SPAG16: variants seen among roughly 807,000 people sequenced by gnomAD.
SPAG16 encodes the protein sperm-associated antigen 16 protein.
In SPAG16, 86 loss-of-function variants were observed where a neutral mutation model predicts 80.4. That is an observed-to-expected ratio of 1.07 (90% CI 0.90 to 1.28). SPAG16 has a LOEUF of 1.28. SPAG16 is among the 50% of genes most tolerant of loss of function. SPAG16 has a pLI of 0.00. For synonymous variants in SPAG16, 294 were observed against 265.9 expected, an observed-to-expected ratio of 1.11 and a Z score of -1.03; for missense variants, 870 against 765.3, an observed-to-expected ratio of 1.14 and a Z score of -1.61.
At chr2:213,541,086 G>A (rs2076429719) in intron 10 of SPAG16, among the ~76,000 whole-genome samples, 1 of 152,206 alleles carries the variant, frequency 6.6e-6, no homozygotes, top group Non-Finnish European at 1.5e-5. Context: ...CAGTACTATT[G>A]TTACCATGGT....
intron 13 of SPAG16, among the ~76,000 whole-genome samples, chr2:214,016,401 A>C (rs2047593599): frequency 6.6e-6 from 1 of 151,856 alleles, no homozygotes; most frequent in Admixed American, 6.6e-5. Flanking sequence ...CATGGGAAAA[A>C]CTCACCCCTG....
At chr2:213,419,892 C>A (rs1037795810) in intron 9 of SPAG16, among the ~76,000 whole-genome samples, 4 of 152,208 alleles carry the variant, frequency 2.6e-5, no homozygotes, top group Non-Finnish European at 5.9e-5. Flanking sequence ...GTGGGACTTT[C>A]ACATGCAAAT....
chr2:213,682,808 G>A (rs2064463962), intron 10 of SPAG16, among the ~76,000 whole-genome samples: 2 of 152,160 alleles, frequency 1.3e-5, no homozygotes, highest in Admixed American at 1.3e-4. Context: ...TTAGTCATTA[G>A]GCTAATGGTT....
At chr2:213,300,945 A>T (rs1244018755) in intron 3 of SPAG16, among the ~76,000 whole-genome samples, 4 of 152,130 alleles carry the variant, frequency 2.6e-5, no homozygotes, top group African/African-American at 4.8e-5. Flanking sequence ...TTATGTTAAT[A>T]TACCAAAATA....
chr2:213,591,477 T>C (rs2060688046), intron 10 of SPAG16, among the ~76,000 whole-genome samples: 1 of 152,216 alleles, frequency 6.6e-6, no homozygotes, highest in Non-Finnish European at 1.5e-5. Flanking sequence ...TTCCAATATG[T>C]ATTATAAATT....
chr2:213,887,014 T>G (rs1437441136), intron 11 of SPAG16, among the ~76,000 whole-genome samples: 1 of 152,102 alleles, frequency 6.6e-6, no homozygotes, highest in Non-Finnish European at 1.5e-5. Flanking sequence ...ATATAAGATT[T>G]TTTTTCTATT....
At chr2:214,397,410 G>A (rs1423411108) in intron 15 of SPAG16, among the ~76,000 whole-genome samples, 5 of 151,904 alleles carry the variant, frequency 3.3e-5, no homozygotes, top group African/African-American at 4.8e-5. Flanking sequence ...TGCCCGCCTC[G>A]GCCTCCCAAA....
At chr2:214,137,081 T>C (rs908392711) in intron 14 of SPAG16, among the ~76,000 whole-genome samples, 5 of 152,182 alleles carry the variant, frequency 3.3e-5, no homozygotes, top group Non-Finnish European at 7.4e-5. Flanking sequence ...TATTTCTTTA[T>C]TCAAAAATAT....
intron 10 of SPAG16, among the ~76,000 whole-genome samples, chr2:213,702,887 A>G (rs544804473): frequency 2.0e-5 from 3 of 152,214 alleles, no homozygotes; most frequent in Non-Finnish European, 4.4e-5. Flanking sequence ...ACTAGCACTC[A>G]GACCCAAGGA....
At chr2:213,575,904 A>T (rs538952298) in intron 10 of SPAG16, among the ~76,000 whole-genome samples, 5 of 152,254 alleles carry the variant, frequency 3.3e-5, no homozygotes, top group Non-Finnish European at 1.5e-5. Flanking sequence ...AATCTGTAAG[A>T]TTACTTAATT....
chr2:213,759,533 A>G (rs929573696), intron 10 of SPAG16, among the ~76,000 whole-genome samples: 2 of 152,062 alleles, frequency 1.3e-5, no homozygotes, highest in Non-Finnish European at 2.9e-5. Flanking sequence ...GTTTTTATAT[A>G]TTATTGCAGT....
At chr2:213,706,934 G>T (rs1473883599) in intron 10 of SPAG16, among the ~76,000 whole-genome samples, 1 of 152,132 alleles carries the variant, frequency 6.6e-6, no homozygotes, top group East Asian at 1.9e-4. Context: ...TCTCCACAGG[G>T]TTGCTTGAGT....
intron 15 of SPAG16, among the ~76,000 whole-genome samples, chr2:214,396,848 T>C (rs934496975): frequency 8.5e-5 from 13 of 152,082 alleles, no homozygotes; most frequent in African/African-American, 3.1e-4. Context: ...CTTTTGAACA[T>C]GTGCAAAGTT....
intron 8 of SPAG16, among the ~76,000 whole-genome samples, chr2:213,369,212 C>T (rs1302880444): frequency 6.6e-6 from 1 of 152,096 alleles, no homozygotes; most frequent in Non-Finnish European, 1.5e-5. Flanking sequence ...GCAGGAAATA[C>T]TAAAGAAGTT....
intron 10 of SPAG16, among the ~76,000 whole-genome samples, chr2:213,694,072 G>A (rs1392130951): frequency 4.0e-5 from 6 of 151,676 alleles, no homozygotes; most frequent in Non-Finnish European, 5.9e-5. Flanking sequence ...GAGAGGGAGA[G>A]AAAGAAGAAG....
At chr2:213,900,226 G>T (rs1001158158) in intron 11 of SPAG16, among the ~76,000 whole-genome samples, 1 of 152,082 alleles carries the variant, frequency 6.6e-6, no homozygotes, top group Non-Finnish European at 1.5e-5. Context: ...CAGAGAAGCA[G>T]ATGCATCACA....
At chr2:214,038,034 T>A (rs1233093141) in intron 13 of SPAG16, among the ~76,000 whole-genome samples, 2 of 152,176 alleles carry the variant, frequency 1.3e-5, no homozygotes, top group African/African-American at 4.8e-5. Context: ...GTTGTGTTAA[T>A]CTTATCCATT....
intron 10 of SPAG16, among the ~76,000 whole-genome samples, chr2:213,757,468 A>G (rs984595952): frequency 3.3e-5 from 5 of 152,222 alleles, no homozygotes; most frequent in Admixed American, 6.5e-5. Flanking sequence ...AAATTACAGT[A>G]GTTAAAACAT....
chr2:213,718,072 T>C (rs918009793), intron 10 of SPAG16, among the ~76,000 whole-genome samples: 2 of 134,722 alleles, frequency 1.5e-5, no homozygotes, highest in African/African-American at 5.6e-5. Flanking sequence ...ACCTACAGAA[T>C]GGGAGAAAAT....
Sources: gnomAD v4.1 joint callset for allele counts (sites outside exome capture counted in the v4.1 genomes callset) on GRCh38, gnomAD v4.1.1 for gene constraint, MANE v1.5 for transcripts, NCBI Gene and HGNC (gene_info 2026-07-23, HGNC 2026-07-21) for gene names.